Variants in AP4E1 observed in about 807,000 individuals in gnomAD.
AP4E1 encodes adaptor related protein complex 4 subunit epsilon 1, also known as AP-4 complex subunit epsilon-1.
A neutral mutation model predicts 128.2 loss-of-function variants in AP4E1; 56 were observed. That is an observed-to-expected ratio of 0.44 (90% confidence interval 0.35 to 0.55). The LOEUF (loss-of-function observed/expected upper bound fraction) is 0.55. Among genes scored for constraint, AP4E1 ranks in the 20% least tolerant of loss-of-function variants. The pLI is 0.00. For missense variants in AP4E1, 1,324 were observed against 1,307.7 expected (o/e 1.01, Z -0.19); for synonymous variants, 484 against 473.1 (o/e 1.02, Z -0.30).
At chr15:50,966,806 G>C (rs1460113445) in intron 14 of AP4E1, among the ~76,000 whole-genome samples, 1 of 152,146 alleles carries the variant, frequency 6.6e-6, no homozygotes, top group African/African-American at 2.4e-5. Context: ...CAGAGTGCTG[G>C]GATTACAGGC....
chr15:50,948,271 T>A, intron 11 of AP4E1, 112 bp downstream of exon 11: 1 of 1,328,634 alleles, frequency 7.5e-7, no homozygotes, highest in Non-Finnish European at 1.1e-6. Flanking sequence ...CTAGCAATAC[T>A]TTTTATTCCT....
At chr15:50,909,692 T>G (rs1438665778) in intron 1 of AP4E1, among the ~76,000 whole-genome samples, 1 of 152,026 alleles carries the variant, frequency 6.6e-6, no homozygotes, top group Admixed American at 6.6e-5. Flanking sequence ...AAATTTTAAT[T>G]TTTGTTTTTT....
chr15:50,945,517 C>T, intron 10 of AP4E1: 1 of 746,642 alleles, frequency 1.3e-6, no homozygotes, highest in Non-Finnish European at 2.5e-6. Flanking sequence ...ATCTGCAGTG[C>T]TTGACATGGA....
At chr15:50,930,030 G>A (rs965114341) in intron 6 of AP4E1, among the ~76,000 whole-genome samples, 9 of 149,510 alleles carry the variant, frequency 6.0e-5, no homozygotes, top group African/African-American at 2.2e-4. Flanking sequence ...GATACTGTGT[G>A]GCTAATTAAT....
intron 16 of AP4E1, 113 bp downstream of exon 16, chr15:50,984,258 T>C (rs2064685159): frequency 4.5e-6 from 6 of 1,327,706 alleles, no homozygotes; most frequent in Non-Finnish European, 6.4e-6. Context: ...TTGCTTATTT[T>C]AGGATAACTT....
chr15:50,981,433 A>G (rs982003146), intron 15 of AP4E1, among the ~76,000 whole-genome samples: 3 of 152,088 alleles, frequency 2.0e-5, no homozygotes, highest in Non-Finnish European at 4.4e-5. Context: ...CTGCTCCACT[A>G]TTGTATTTTG....
intron 15 of AP4E1, among the ~76,000 whole-genome samples, chr15:50,983,568 G>C (rs565764209): frequency 1.0e-3 from 155 of 152,288 alleles, no homozygotes; most frequent in African/African-American, 3.6e-3. Flanking sequence ...ATCAGAATCT[G>C]TGTTAACCTT....
chr15:50,926,798 G>A (rs1450375666), intron 5 of AP4E1, among the ~76,000 whole-genome samples: 1 of 151,840 alleles, frequency 6.6e-6, no homozygotes, highest in African/African-American at 2.4e-5. Flanking sequence ...CACCATATAG[G>A]CCAAGCTGGT....
intron 15 of AP4E1, among the ~76,000 whole-genome samples, chr15:50,972,786 G>C (rs944616803): frequency 2.6e-5 from 4 of 152,296 alleles, no homozygotes; most frequent in African/African-American, 9.6e-5. Flanking sequence ...AGCCTATGGG[G>C]CTGTTTCTTA....
chr15:50,928,225 A>G (rs2063791087), intron 5 of AP4E1, among the ~76,000 whole-genome samples: 1 of 152,152 alleles, frequency 6.6e-6, no homozygotes, highest in South Asian at 2.1e-4. Context: ...TGATATATAT[A>G]TATAAAAAAG....
At chr15:50,967,893 A>G (rs1274752700) in intron 14 of AP4E1, among the ~76,000 whole-genome samples, 1 of 152,120 alleles carries the variant, frequency 6.6e-6, no homozygotes, top group Non-Finnish European at 1.5e-5. Context: ...GCTCACTGCA[A>G]CCTCTGCCTT....
chr15:50,951,692 A>C (rs1303832570), intron 13 of AP4E1, among the ~76,000 whole-genome samples: 1 of 150,266 alleles, frequency 6.7e-6, no homozygotes, highest in Non-Finnish European at 1.5e-5. Flanking sequence ...AATGAAATAT[A>C]CTTTTAGTTT....
At chr15:50,948,887 G>A (rs1215939916) in intron 11 of AP4E1, among the ~76,000 whole-genome samples, 1 of 151,322 alleles carries the variant, frequency 6.6e-6, no homozygotes. Flanking sequence ...CAGAGGAATC[G>A]CTTGAAACTG....
chr15:50,915,530 T>G lies in AP4E1; in HGVS notation c.305T>G (p.Ile102Ser), dbSNP rs1421365787. Residue 102 changes from isoleucine to serine, a missense_variant, in exon 3 of 21, where the codon ATC becomes AGC. Physicochemically the swap from Ile to Ser is moderately radical, Grantham distance 142 (BLOSUM62 -2). Coordinates refer to ENST00000261842, the MANE Select transcript of AP4E1 (RefSeq NM_007347.5). ...YDASFGYIHA[I>S]KLAQQGNLLE... Reference sequence around the variant, plus strand: ...GCTTCCTTTGGCTATATTCATGCAATCAAGTTAGCCCAACAAGGAAACCTC... The same window carrying G: ...GCTTCCTTTGGCTATATTCATGCAAGCAAGTTAGCCCAACAAGGAAACCTC... The G allele has an allele frequency of 6.2e-7, 1 of 1,613,640 alleles. No homozygotes were observed.
chr15:50,993,664 T>C (rs1028990039), intron 17 of AP4E1, 39 bp downstream of exon 17: 4 of 1,612,520 alleles, frequency 2.5e-6, no homozygotes, highest in Non-Finnish European at 3.4e-6. Flanking sequence ...ATCTTTGTCA[T>C]CTGTCTGTAC....
rs2064924854 is a variant in AP4E1 at position 50,999,251 on chromosome 15, A to G, written c.3084A>G (p.Leu1028=). Reference sequence around the variant, plus strand: ...AATTTTCTGTAAACTTATCACTATTAGATTTCATTAGGTAAATGTTTTGTG... The same window carrying G: ...AATTTTCTGTAAACTTATCACTATTGGATTTCATTAGGTAAATGTTTTGTG... ...QLEFSVNLSL[L]DFIRPLKISS... is the part of the protein sequence containing the mutation. Residue 1028 remains leucine, a synonymous_variant, in exon 19 of 21, where the codon TTA becomes TTG. Coordinates refer to ENST00000261842, the MANE Select transcript of AP4E1 (RefSeq NM_007347.5). 5 of 1,610,154 alleles carry G rather than the reference A, an allele frequency of 3.1e-6. No homozygotes were observed. The East Asian group carries it at 1.1e-4, about 36-fold the overall frequency.
At chr15:50,986,840 A>G (rs1428699235) in intron 16 of AP4E1, among the ~76,000 whole-genome samples, 5 of 152,098 alleles carry the variant, frequency 3.3e-5, no homozygotes, top group African/African-American at 4.8e-5. Flanking sequence ...GTTAGGGAGG[A>G]TTCCCTCTTT....
chr15:50,991,061 C>T (rs78625411), intron 16 of AP4E1, among the ~76,000 whole-genome samples: 2 of 152,124 alleles, frequency 1.3e-5, no homozygotes, highest in Admixed American at 1.3e-4. Context: ...TGAGTTGGAC[C>T]GAGATGGATG....
rs1331202428 is a variant in AP4E1, at chr15:50,965,217, A to G, written c.1852-3046A>G. On this transcript the variant is annotated intron_variant, in intron 14 of 20. Coordinates refer to ENST00000261842, the MANE Select transcript of AP4E1 (RefSeq NM_007347.5). ...TATAGCAGTGCAAGAACGGACTAAT[A>G]GAATGGCTTAGGCTGTGGTTGTTAG... Among the ~76,000 whole-genome samples the G allele has an allele frequency of 2.0e-5, 3 of 152,130 alleles. No homozygotes were observed. The East Asian group carries it at 5.8e-4, about 29-fold the overall frequency.
Sources: gnomAD v4.1 joint callset for allele counts (sites outside exome capture counted in the v4.1 genomes callset) on GRCh38, gnomAD v4.1.1 for gene constraint, MANE v1.5 for transcripts, NCBI Gene and HGNC (gene_info 2026-07-23, HGNC 2026-07-21) for gene names.